CSRNP3: variants seen among roughly 807,000 people sequenced by gnomAD.
The protein encoded by CSRNP3 is cysteine and serine rich nuclear protein 3.
CSRNP3 carries 12 observed loss-of-function variants against 48.0 expected under a neutral mutation model. The observed-to-expected ratio is 0.25, with a 90% confidence interval of 0.16 to 0.41. The LOEUF is 0.41. Ranked by LOEUF, CSRNP3 falls within the 10% of genes least tolerant of loss-of-function variation. The pLI, the probability that CSRNP3 is intolerant of heterozygous loss-of-function variation, is 1.00. For missense variants in CSRNP3, 580 were observed against 724.4 expected (o/e 0.80, Z 2.29); for synonymous variants, 263 against 269.7 (o/e 0.98, Z 0.24).
intron 3 of CSRNP3, chr2:165,566,686 A>C (rs913844287): frequency 6.6e-6 from 1 of 151,868 alleles, no homozygotes; most frequent in Non-Finnish European, 1.5e-5. Context: ...GGCTCATTGC[A>C]TTGCCCAGGC....
chr2:165,630,159 C>T (rs532178707), intron 4 of CSRNP3, among the ~76,000 whole-genome samples: 3 of 152,170 alleles, frequency 2.0e-5, no homozygotes, highest in East Asian at 3.9e-4. Flanking sequence ...TTTTTGAAGA[C>T]GTAAAAAAGC....
chr2:165,574,492 G>T (rs1420527490), intron 3 of CSRNP3: 15 of 1,163,424 alleles, frequency 1.3e-5, no homozygotes, highest in Non-Finnish European at 1.7e-5. Context: ...GATGGGCATT[G>T]GCTATTTTAA....
At chr2:165,643,876 A>C (rs938777695) in intron 4 of CSRNP3, among the ~76,000 whole-genome samples, 2 of 152,212 alleles carry the variant, frequency 1.3e-5, no homozygotes, top group African/African-American at 4.8e-5. Flanking sequence ...AATCTTAAGC[A>C]ATATGATTTT....
chr2:165,626,374 G>C (rs1333439843), intron 4 of CSRNP3, among the ~76,000 whole-genome samples: 1 of 152,064 alleles, frequency 6.6e-6, no homozygotes, highest in East Asian at 1.9e-4. Context: ...CAGGCAAAAG[G>C]GCAAATACAA....
intron 2 of CSRNP3, among the ~76,000 whole-genome samples, chr2:165,503,500 A>C (rs1428333805): frequency 2.0e-5 from 3 of 151,848 alleles, no homozygotes; most frequent in Non-Finnish European, 2.9e-5. Context: ...AATTTTTCCT[A>C]ACCCACCACT....
intron 1 of CSRNP3, among the ~76,000 whole-genome samples, chr2:165,491,950 TAA>T (rs560385044): frequency 5.7e-5 from 6 of 104,580 alleles, no homozygotes; most frequent in Admixed American, 9.5e-5. Flanking sequence ...TAAAGTATAA[TAA>T]AAAAAAAAAA....
In CSRNP3 at chr2:165,489,138, A is replaced by G. The variant is rs1204194437; in HGVS notation, c.-282-5621A>G. The stretch of plus-strand genomic sequence containing the variant: ...ATATCACCACTGATCCCACAGAAAT[A>G]CAAACTACCATCAGAGAATACTACA... On this transcript the variant is annotated intron_variant, in intron 1 of 6. Transcript: ENST00000651982. 1.4e-4 allele frequency among the ~76,000 whole-genome samples: 21 copies of G among 150,758 alleles called. 1 individual carries two copies. The highest frequency in any genetic ancestry group is 5.3e-4 in the Admixed American group (8 of 15,154).
At chr2:165,619,532 G>A (rs1228389073) in intron 4 of CSRNP3, among the ~76,000 whole-genome samples, 1 of 151,980 alleles carries the variant, frequency 6.6e-6, no homozygotes, top group Admixed American at 6.6e-5. Context: ...GAAAGTGGCA[G>A]AAATCTCTAG....
intron 1 of CSRNP3, among the ~76,000 whole-genome samples, chr2:165,484,071 CA>C (rs1161953365): frequency 1.3e-5 from 2 of 152,074 alleles, no homozygotes; most frequent in Non-Finnish European, 2.9e-5. Context: ...TATACGGAAT[CA>C]GTAATAATGC....
chr2:165,674,812 G>A lies in CSRNP3; in HGVS notation c.409-1500G>A, dbSNP rs930464087. 2.6e-5 allele frequency among the ~76,000 whole-genome samples: 4 copies of A among 150,992 alleles called. No homozygotes were observed. The Admixed American group carries it at 2.7e-4, about 10-fold the overall frequency. ...CTGCAGCCTGACCTCCCGGGCTCAA[G>A]TGATCCTTGCACCTCAGCCTCCCAA... On this transcript the variant is annotated intron_variant, in intron 5 of 6. Coordinates refer to ENST00000651982, the MANE Select transcript of CSRNP3 (RefSeq NM_001172173.2).
chr2:165,597,250 C>T (rs1054021046), intron 4 of CSRNP3, among the ~76,000 whole-genome samples: 1 of 152,062 alleles, frequency 6.6e-6, no homozygotes, highest in Non-Finnish European at 1.5e-5. Context: ...AAAACCAAAA[C>T]AAAATCTTCA....
intron 3 of CSRNP3, among the ~76,000 whole-genome samples, chr2:165,530,173 A>G (rs1299234584): frequency 6.6e-6 from 1 of 152,134 alleles, no homozygotes; most frequent in Non-Finnish European, 1.5e-5. Flanking sequence ...GGTAACCTCA[A>G]TTCTCCAAGC....
intron 3 of CSRNP3, among the ~76,000 whole-genome samples, chr2:165,538,016 G>A (rs16850870): frequency 6.6e-6 from 1 of 151,532 alleles, no homozygotes; most frequent in African/African-American, 2.4e-5. Flanking sequence ...AGTAAAACTA[G>A]AGTGTTTGTG....
At chr2:165,611,117 G>A (rs914862550) in intron 4 of CSRNP3, among the ~76,000 whole-genome samples, 1 of 152,104 alleles carries the variant, frequency 6.6e-6, no homozygotes, top group Non-Finnish European at 1.5e-5. Flanking sequence ...AAGAGGGAGG[G>A]AGGGAGGAGG....
chr2:165,509,869 T>C (rs1314956965), intron 2 of CSRNP3, among the ~76,000 whole-genome samples: 1 of 152,210 alleles, frequency 6.6e-6, no homozygotes, highest in Non-Finnish European at 1.5e-5. Context: ...CATGTCTCCT[T>C]AGTCTCACTG....
chr2:165,624,572 C>T (rs1184076433), intron 4 of CSRNP3, among the ~76,000 whole-genome samples: 1 of 152,198 alleles, frequency 6.6e-6, no homozygotes, highest in African/African-American at 2.4e-5. Context: ...CATTGTTATA[C>T]TGGTGCCTCA....
chr2:165,610,170 C>T (rs976967874), intron 4 of CSRNP3, among the ~76,000 whole-genome samples: 3 of 152,088 alleles, frequency 2.0e-5, no homozygotes, highest in African/African-American at 4.8e-5. Context: ...AGCAGTCAGG[C>T]GAGCCTTTGA....
At chr2:165,544,539 T>C (rs1197060680) in intron 3 of CSRNP3, among the ~76,000 whole-genome samples, 3 of 151,658 alleles carry the variant, frequency 2.0e-5, no homozygotes, top group Admixed American at 6.6e-5. Context: ...AGAGAAAAAA[T>C]GTAGGAGATC....
Position 165,679,507 on chromosome 2 carries a change from C to T in CSRNP3, c.1512C>T (p.Cys504=). 6.2e-7 allele frequency: 1 copy of T among 1,613,728 alleles called. No homozygotes were observed. The highest frequency in any genetic ancestry group is 8.5e-7 in the Non-Finnish European group (1 of 1,179,960). The change falls in exon 7 of 7, where the codon TGC becomes TGT. Residue 504 remains cysteine, a synonymous_variant. Transcript: ENST00000651982. ...PAANPSVIVC[C]SSSENDSGVP... ...CCAACCCCTCTGTAATCGTTTGCTGCTCCTCTTCCGAAAATGATAGCGGTG... is the reference window on the plus strand; with the variant it reads ...CCAACCCCTCTGTAATCGTTTGCTGTTCCTCTTCCGAAAATGATAGCGGTG...
Sources: gnomAD v4.1 joint callset for allele counts (sites outside exome capture counted in the v4.1 genomes callset) on GRCh38, gnomAD v4.1.1 for gene constraint, MANE v1.5 for transcripts, NCBI Gene and HGNC (gene_info 2026-07-23, HGNC 2026-07-21) for gene names.